FHIP1A: variants seen among roughly 807,000 people sequenced by gnomAD.
FHIP1A encodes FHF complex subunit HOOK interacting protein 1A.
A neutral mutation model predicts 88.6 loss-of-function variants in FHIP1A; 61 were observed. That is an observed-to-expected ratio of 0.69 (90% confidence interval 0.56 to 0.85). The LOEUF is 0.85. FHIP1A is among the 40% of genes least tolerant of loss of function. The pLI, the probability that FHIP1A is intolerant of heterozygous loss-of-function variation, is 0.00. For synonymous variants in FHIP1A, 478 were observed against 496.0 expected, an observed-to-expected ratio of 0.96 and a Z score of 0.48; for missense variants, 1,154 against 1,273.5, an observed-to-expected ratio of 0.91 and a Z score of 1.43.
chr4:151,630,251 A>C (rs1736106182), intron 8 of FHIP1A, among the ~76,000 whole-genome samples: 1 of 152,166 alleles, frequency 6.6e-6, no homozygotes, highest in African/African-American at 2.4e-5. Flanking sequence ...TCTGGGTGTT[A>C]GAGATCATAT....
At chr4:151,412,574 CT>C (rs1732692954) in intron 1 of FHIP1A, among the ~76,000 whole-genome samples, 10 of 140,664 alleles carry the variant, frequency 7.1e-5, no homozygotes, top group African/African-American at 2.2e-4. Context: ...TTCTTTCTTT[CT>C]TTCCTTTCTT....
At chr4:151,572,245 A>G (rs1448784977) in intron 4 of FHIP1A, among the ~76,000 whole-genome samples, 2 of 152,174 alleles carry the variant, frequency 1.3e-5, no homozygotes, top group South Asian at 2.1e-4. Context: ...ATGCTTGAGC[A>G]TGTTGAAATG....
intron 8 of FHIP1A, among the ~76,000 whole-genome samples, chr4:151,637,140 C>A (rs1428426644): frequency 6.6e-6 from 1 of 152,078 alleles, no homozygotes; most frequent in Non-Finnish European, 1.5e-5. Flanking sequence ...TGAATCCACA[C>A]CTCATGCCAT....
intron 3 of FHIP1A, among the ~76,000 whole-genome samples, chr4:151,524,716 T>A (rs982267452): frequency 6.6e-6 from 1 of 152,192 alleles, no homozygotes; most frequent in Admixed American, 6.5e-5. Context: ...TATGAAGCAG[T>A]TGGAAACCAT....
At chr4:151,509,588 G>A (rs892608328) in intron 3 of FHIP1A, among the ~76,000 whole-genome samples, 5 of 152,084 alleles carry the variant, frequency 3.3e-5, no homozygotes, top group Admixed American at 6.6e-5. Flanking sequence ...AATGTACCTC[G>A]GTTGTCATTC....
At chr4:151,534,487 G>A (rs1234717931) in intron 3 of FHIP1A, among the ~76,000 whole-genome samples, 1 of 152,192 alleles carries the variant, frequency 6.6e-6, no homozygotes, top group Non-Finnish European at 1.5e-5. Context: ...ATTTAGAGAT[G>A]TCAGATATGA....
At chr4:151,558,532 C>CAAACAAAACAAAACAAAACA (rs142993818) in intron 3 of FHIP1A, among the ~76,000 whole-genome samples, 35 of 151,062 alleles carry the variant, frequency 2.3e-4, no homozygotes, top group Admixed American at 2.3e-3. Context: ...CATCCTGTCT[C>CAAACAAAACAAAACAAAACA]AAACAAAACA....
In FHIP1A at chr4:151,662,755, CTTTTTT is replaced by C; in HGVS notation, c.*12_*17del. The C allele has an allele frequency of 7.7e-7, 1 of 1,301,972 alleles. No homozygotes were observed. The highest frequency in any genetic ancestry group is 1.0e-6 in the Non-Finnish European group (1 of 1,001,374). The allele number at this position is 1,301,972 out of a possible 1,614,324, so 80.7% of individuals were successfully genotyped here. Reference sequence around the variant, plus strand: ...TGACTTTGAGGACTCCTGCTGTTAGCTTTTTTTTTTTTTTTTAATAGAGGTTCTTGT... The same window carrying C: ...TGACTTTGAGGACTCCTGCTGTTAGCTTTTTTTTTTAATAGAGGTTCTTGT... On this transcript the variant is annotated 3_prime_UTR_variant, in exon 14 of 14. Coordinates refer to ENST00000435205, the MANE Select transcript of FHIP1A (RefSeq NM_001109977.3).
At chr4:151,562,393 C>A (rs1733207537) in intron 3 of FHIP1A, among the ~76,000 whole-genome samples, 1 of 152,124 alleles carries the variant, frequency 6.6e-6, no homozygotes, top group Non-Finnish European at 1.5e-5. Context: ...CTCTAGCACT[C>A]TCCTGCCTGT....
chr4:151,540,782 C>T lies in FHIP1A; in HGVS notation c.-122-25356C>T, dbSNP rs547626390. Reference sequence around the variant, plus strand: ...GTGTGTTTTGCTCTCCTGAGTCAGGCAGCTGCTTTGCTGCTTAGGTTATTC... The same window carrying T: ...GTGTGTTTTGCTCTCCTGAGTCAGGTAGCTGCTTTGCTGCTTAGGTTATTC... On this transcript the variant is annotated intron_variant, in intron 3 of 13. Coordinates refer to ENST00000435205, the MANE Select transcript of FHIP1A (RefSeq NM_001109977.3). Among the ~76,000 whole-genome samples, 14 of 152,318 alleles carry T rather than the reference C, an allele frequency of 9.2e-5. No individual in the cohort carries two copies. The East Asian group carries it at 2.7e-3, about 29-fold the overall frequency.
At chr4:151,417,380 C>T (rs755220081) in intron 1 of FHIP1A, among the ~76,000 whole-genome samples, 1 of 152,190 alleles carries the variant, frequency 6.6e-6, no homozygotes, top group Non-Finnish European at 1.5e-5. Flanking sequence ...TACAGAGTTA[C>T]ACCCTATGCA....
rs567416655 is a variant in FHIP1A, at chr4:151,619,437, A to G, written c.979-10265A>G. 5.3e-5 allele frequency among the ~76,000 whole-genome samples: 8 copies of G among 152,370 alleles called. No individual in the cohort carries two copies. In the South Asian group the frequency reaches 1.4e-3, roughly 28 times the overall value. ...CATGAAGTCAATTTGGTAGGTCACA[A>G]TTTAAAGTTGAATAAAATAGAAAAT... On this transcript the variant is annotated intron_variant, in intron 7 of 13. Transcript: ENST00000435205.
intron 7 of FHIP1A, among the ~76,000 whole-genome samples, chr4:151,594,135 T>C (rs1734554522): frequency 6.6e-6 from 1 of 152,204 alleles, no homozygotes. Flanking sequence ...TGGATAAGCT[T>C]TTTGATGTGC....
At chr4:151,497,329 G>C (rs1208300656) in intron 3 of FHIP1A, among the ~76,000 whole-genome samples, 1 of 152,164 alleles carries the variant, frequency 6.6e-6, no homozygotes, top group East Asian at 1.9e-4. Flanking sequence ...GTGGGAATTA[G>C]TCTAATGTAG....
intron 3 of FHIP1A, among the ~76,000 whole-genome samples, chr4:151,546,015 G>T (rs1732488766): frequency 6.6e-6 from 1 of 152,144 alleles, no homozygotes; most frequent in Non-Finnish European, 1.5e-5. Context: ...TGTCTGTGCG[G>T]TGTTCCCAGA....
At chr4:151,590,700 A>G (rs1189332928) in intron 7 of FHIP1A, among the ~76,000 whole-genome samples, 1 of 152,228 alleles carries the variant, frequency 6.6e-6, no homozygotes, top group Non-Finnish European at 1.5e-5. Flanking sequence ...GAGTGCTGGC[A>G]CTTAGTACCT....
intron 3 of FHIP1A, among the ~76,000 whole-genome samples, chr4:151,498,230 A>G (rs1730530189): frequency 6.6e-6 from 1 of 152,198 alleles, no homozygotes; most frequent in Non-Finnish European, 1.5e-5. Flanking sequence ...TAAGAATGTC[A>G]TTAGTGCAGA....
rs531766799 is a variant in FHIP1A at position 151,623,277 on chromosome 4, C to T, written c.979-6425C>T. Among the ~76,000 whole-genome samples the T allele has an allele frequency of 2.6e-5, 4 of 152,284 alleles. No individual in the cohort carries two copies. The East Asian group carries it at 7.7e-4, about 29-fold the overall frequency. On this transcript the variant is annotated intron_variant, in intron 7 of 13. Transcript: ENST00000435205. ...GTTTTAGGGAGTTTCTGTGTCCCCT[C>T]TTAACCACAGCCTGTTCTAGGACAC...
chr4:151,536,310 G>C (rs1327986263), intron 3 of FHIP1A, among the ~76,000 whole-genome samples: 1 of 152,076 alleles, frequency 6.6e-6, no homozygotes, highest in Non-Finnish European at 1.5e-5. Context: ...TGTGCTCTTT[G>C]TGTGTGCCCG....
Sources: gnomAD v4.1 joint callset for allele counts (sites outside exome capture counted in the v4.1 genomes callset) on GRCh38, gnomAD v4.1.1 for gene constraint, MANE v1.5 for transcripts, NCBI Gene and HGNC (gene_info 2026-07-23, HGNC 2026-07-21) for gene names.